LAMA2: variants seen among roughly 807,000 people sequenced by gnomAD.
The protein encoded by LAMA2 is laminin subunit alpha 2.
A neutral mutation model predicts 364.8 loss-of-function variants in LAMA2; 269 were observed. That is an observed-to-expected ratio of 0.74 (90% confidence interval 0.67 to 0.82). LAMA2 has a LOEUF of 0.82. Among genes scored for constraint, LAMA2 ranks in the 40% least tolerant of loss-of-function variants. The probability of loss-of-function intolerance (pLI) is 0.00; values close to 1 mark genes in which losing one functional copy is unlikely to be tolerated. For synonymous variants in LAMA2, 1,379 were observed against 1,370.6 expected (o/e 1.01, Z -0.14); for missense variants, 3,807 against 3,873.2 (o/e 0.98, Z 0.45).
intron 41 of LAMA2, among the ~76,000 whole-genome samples, chr6:129,436,670 C>T (rs1781848388): frequency 6.6e-6 from 1 of 152,108 alleles, no homozygotes; most frequent in Non-Finnish European, 1.5e-5. Context: ...AATCAATCTG[C>T]ACGTCCACTA....
At chr6:129,336,740 C>G (rs1412708559) in intron 29 of LAMA2, among the ~76,000 whole-genome samples, 1 of 152,076 alleles carries the variant, frequency 6.6e-6, no homozygotes, top group African/African-American at 2.4e-5. Flanking sequence ...CAGATGTTAG[C>G]CAGCTGATAG....
Position 129,353,216 on chromosome 6 carries a change from G to A in LAMA2, c.4576G>A (p.Glu1526Lys). 6 of 1,614,140 alleles carry A rather than the reference G, an allele frequency of 3.7e-6. No individual in the cohort carries two copies. The highest frequency in any genetic ancestry group is 5.1e-6 in the Non-Finnish European group (6 of 1,180,000). Residue 1526 changes from glutamate to lysine, a missense_variant, in exon 32 of 65, where the codon GAA (glutamate) becomes AAA (lysine). Glu to Lys is a moderately conservative substitution (Grantham distance 56, BLOSUM62 1). Around this residue, in one of 3 missense-constraint regions of LAMA2, gnomAD observed 3,333 missense variants for 3,345.7 expected, o/e 1.00. Coordinates refer to ENST00000421865, the MANE Select transcript of LAMA2 (RefSeq NM_000426.4). ...AGGCAACCCTGGAGGCTCCTGCCAAGAATGTGAGTGTGATCCCTATGGCTC... is the reference window on the plus strand; with the variant it reads ...AGGCAACCCTGGAGGCTCCTGCCAAAAATGTGAGTGTGATCCCTATGGCTC... ...SPGNPGGSCQ[E>K]CECDPYGSLP...
At chr6:129,480,462 GA>G (rs978643943) in intron 54 of LAMA2, among the ~76,000 whole-genome samples, 5 of 151,830 alleles carry the variant, frequency 3.3e-5, no homozygotes, top group East Asian at 1.9e-4. Flanking sequence ...ACATATGTAA[GA>G]AAAAAAAGTC....
chr6:129,084,242 T>C (rs183259003), intron 3 of LAMA2, among the ~76,000 whole-genome samples: 6 of 152,312 alleles, frequency 3.9e-5, no homozygotes, highest in South Asian at 4.1e-4. Flanking sequence ...CTCTTCTTAA[T>C]TGAAGAGTCA....
chr6:129,053,066 TTTTTGTTTTG>T (rs560910801), intron 2 of LAMA2, among the ~76,000 whole-genome samples: 5 of 152,202 alleles, frequency 3.3e-5, no homozygotes, highest in African/African-American at 9.6e-5. Flanking sequence ...ATTTCTTTCT[TTTTTGTTTTG>T]TTTTGTTTTG....
chr6:128,961,320 T>A (rs1196296446), intron 1 of LAMA2, among the ~76,000 whole-genome samples: 2 of 17,686 alleles, frequency 1.1e-4, no homozygotes, highest in East Asian at 3.4e-3. Context: ...ACTAATATGA[T>A]ATATATATAT....
chr6:128,929,657 GT>G, intron 1 of LAMA2: 1 of 1,429,892 alleles, frequency 7.0e-7, no homozygotes, highest in Non-Finnish European at 9.8e-7. Context: ...TGCGGTCTCG[GT>G]TTGTCACTGA....
At chr6:129,507,332 T>C (rs1440671908) in intron 61 of LAMA2, among the ~76,000 whole-genome samples, 157 bp from the exon 62 acceptor site, 1 of 152,190 alleles carries the variant, frequency 6.6e-6, no homozygotes, top group Non-Finnish European at 1.5e-5. Flanking sequence ...CCAGGAGGCC[T>C]GGTGGTAACA....
At chr6:129,036,359 A>G (rs1562174232) in intron 1 of LAMA2, among the ~76,000 whole-genome samples, 1 of 152,180 alleles carries the variant, frequency 6.6e-6, no homozygotes, top group East Asian at 1.9e-4. Flanking sequence ...AAAATCTAAT[A>G]CTGCTTAGCT....
chr6:128,912,189 G>T, intron 1 of LAMA2, among the ~76,000 whole-genome samples: 1 of 152,120 alleles, frequency 6.6e-6, no homozygotes, highest in South Asian at 2.1e-4. Context: ...TGGAAAAAAT[G>T]TTCGTTTAAT....
Position 129,300,811 on chromosome 6 carries a change from G to A in LAMA2, c.3113G>A (p.Gly1038Glu). Residue 1038 changes from glycine (G) to glutamate (E), a missense_variant, in exon 22 of 65, where the codon GGA becomes GAA. Transcript: ENST00000421865. The part of the protein sequence containing the change: ...GRCICPPNTI[G>E]EKCSKCAPNT... ...TGCATTTGCCCTCCCAATACCATTG[G>A]AGAGAAATGTTCTAAATGTGCACCC... is the stretch of plus-strand genomic sequence containing the variant. 1.2e-6 allele frequency: 2 copies of A among 1,613,812 alleles called. No individual in the cohort carries two copies. Among genetic ancestry groups the A allele is most frequent in the Non-Finnish European group, 1.7e-6 (2 of 1,179,762 alleles).
chr6:129,311,425 G>A (rs1344017984), intron 22 of LAMA2, among the ~76,000 whole-genome samples: 1 of 152,116 alleles, frequency 6.6e-6, no homozygotes, highest in African/African-American at 2.4e-5. Context: ...CCGGCCTAAT[G>A]AAGAACCAGA....
chr6:129,445,730 T>G lies in LAMA2; in HGVS notation c.6338T>G (p.Leu2113Arg), dbSNP rs1782335962. The G allele has an allele frequency of 5.6e-6, 9 of 1,613,698 alleles. No individual in the cohort carries two copies. Among genetic ancestry groups the G allele is most frequent in the Non-Finnish European group, 7.6e-6 (9 of 1,179,744 alleles). The change falls in exon 45 of 65, where the codon CTC (leucine) becomes CGC (arginine). Residue 2113 changes from leucine to arginine, a missense_variant. Transcript: ENST00000421865. ...EQEADRLIDK[L>R]KPIKELEDNL... ...GAAGCTGACCGGCTAATAGATAAACTCAAACCCATCAAGGAACTTGAGGAT... is the reference window on the plus strand; with the variant it reads ...GAAGCTGACCGGCTAATAGATAAACGCAAACCCATCAAGGAACTTGAGGAT...
chr6:129,166,022 T>C (rs1311048042), intron 9 of LAMA2, among the ~76,000 whole-genome samples: 1 of 152,218 alleles, frequency 6.6e-6, no homozygotes, highest in Non-Finnish European at 1.5e-5. Flanking sequence ...TTGTAGCTTC[T>C]ATGAGTTCTA....
chr6:129,126,507 T>G lies in LAMA2; in HGVS notation c.640-17394T>G, dbSNP rs554796861. Reference sequence around the variant, plus strand: ...ACTAATATGAATGAAGCAGAATGGTTCATTTTTTTTCTCAATGTGTACAAT... The same window carrying G: ...ACTAATATGAATGAAGCAGAATGGTGCATTTTTTTTCTCAATGTGTACAAT... On this transcript the variant is annotated intron_variant, in intron 4 of 64. Transcript: ENST00000421865. Among the ~76,000 whole-genome samples, 228 of 152,254 alleles carry G rather than the reference T, an allele frequency of 1.5e-3. 1 individual carries two copies. Among genetic ancestry groups the G allele is most frequent in the African/African-American group, 5.2e-3 (214 of 41,496 alleles).
At chr6:129,112,409 C>T (rs1416874665) in intron 4 of LAMA2, among the ~76,000 whole-genome samples, 2 of 151,874 alleles carry the variant, frequency 1.3e-5, no homozygotes, top group Non-Finnish European at 2.9e-5. Flanking sequence ...AAGACCAGCT[C>T]ACACATTAAT....
rs532272179 is a variant in LAMA2 at position 129,433,551 on chromosome 6, G to A, written c.5969-5095G>A. On this transcript the variant is annotated intron_variant, in intron 41 of 64. Transcript: ENST00000421865. The stretch of plus-strand genomic sequence containing the variant: ...CTTGTGAATGGGGCATTCTTTCAGG[G>A]CATTTATTTGTGCCCTATTCATATT... Among the ~76,000 whole-genome samples the A allele has an allele frequency of 2.3e-4, 35 of 152,122 alleles. 1 individual carries two copies. In the South Asian group the frequency reaches 5.6e-3, roughly 24 times the overall value.
At chr6:129,031,978 C>T (rs1479466600) in intron 1 of LAMA2, among the ~76,000 whole-genome samples, 1 of 152,136 alleles carries the variant, frequency 6.6e-6, no homozygotes, top group African/African-American at 2.4e-5. Flanking sequence ...CACTACCATG[C>T]CTGGCCAATT....
At chr6:129,353,937 C>G (rs1777010898) in intron 32 of LAMA2, among the ~76,000 whole-genome samples, 4 of 152,164 alleles carry the variant, frequency 2.6e-5, no homozygotes, top group Admixed American at 2.6e-4. Flanking sequence ...TCTCTTTTTT[C>G]TTACTGATTC....
Sources: gnomAD v4.1 joint callset for allele counts (sites outside exome capture counted in the v4.1 genomes callset) on GRCh38, gnomAD v4.1.1 for gene constraint, gnomAD v4.1.1 regional missense constraint, MANE v1.5 for transcripts, NCBI Gene and HGNC (gene_info 2026-07-23, HGNC 2026-07-21) for gene names.